Variants in GAS2 observed in about 807,000 individuals in gnomAD.
The protein encoded by GAS2 is growth arrest specific 2.
In GAS2, 20 loss-of-function variants were observed where a neutral mutation model predicts 37.5. The observed-to-expected ratio is 0.53, with a 90% CI of 0.37 to 0.77. The LOEUF (loss-of-function observed/expected upper bound fraction) is 0.77. Ranked by LOEUF, GAS2 falls within the 30% of genes least tolerant of loss-of-function variation. The pLI, the probability that GAS2 is intolerant of heterozygous loss-of-function variation, is 0.00. For synonymous variants in GAS2, 144 were observed against 132.2 expected (o/e 1.09, Z -0.61); for missense variants, 336 against 373.4 (o/e 0.90, Z 0.82).
At chr11:22,650,012 G>A (rs1487456815) in intron 1 of GAS2, among the ~76,000 whole-genome samples, 1 of 151,392 alleles carries the variant, frequency 6.6e-6, no homozygotes, top group Admixed American at 6.6e-5. Flanking sequence ...GTGATGTTAG[G>A]GTGTCAATTT....
chr11:22,769,807 A>G, intron 7 of GAS2, among the ~76,000 whole-genome samples: 1 of 152,264 alleles, frequency 6.6e-6, no homozygotes, highest in East Asian at 1.9e-4. Context: ...AAGATGCTAC[A>G]TAAATTACAT....
At chr11:22,784,676 A>G (rs1300134451) in intron 7 of GAS2, among the ~76,000 whole-genome samples, 4 of 152,172 alleles carry the variant, frequency 2.6e-5, no homozygotes, top group African/African-American at 9.6e-5. Context: ...TATATGCTCC[A>G]AGATGACTAT....
At chr11:22,776,273 C>G (rs1223168146) in intron 7 of GAS2, among the ~76,000 whole-genome samples, 3 of 152,166 alleles carry the variant, frequency 2.0e-5, no homozygotes, top group Non-Finnish European at 4.4e-5. Flanking sequence ...TGTATGGTTT[C>G]TGTTACAACT....
intron 7 of GAS2, among the ~76,000 whole-genome samples, chr11:22,773,969 C>T (rs1199489693): frequency 1.3e-5 from 2 of 152,104 alleles, no homozygotes; most frequent in Admixed American, 6.5e-5. Context: ...TTAAATACAT[C>T]AGAGCTCCGT....
At chr11:22,732,228 G>T (rs1471579217) in intron 4 of GAS2, among the ~76,000 whole-genome samples, 1 of 151,688 alleles carries the variant, frequency 6.6e-6, no homozygotes, top group Non-Finnish European at 1.5e-5. Flanking sequence ...TTGCTATTCT[G>T]AGTGATAGTG....
chr11:22,663,680 C>T (rs2133848059), upstream of GAS2, among the ~76,000 whole-genome samples: 2 of 152,034 alleles, frequency 1.3e-5, no homozygotes, highest in Middle Eastern at 3.4e-3. Context: ...AAACCTTGAA[C>T]TTTACATATG....
intron 7 of GAS2, among the ~76,000 whole-genome samples, chr11:22,774,002 T>C (rs1855123476): frequency 6.6e-6 from 1 of 152,160 alleles, no homozygotes; most frequent in Non-Finnish European, 1.5e-5. Context: ...TGCAATTTTA[T>C]TTTATTTTGA....
intron 1 of GAS2, among the ~76,000 whole-genome samples, chr11:22,651,793 T>C (rs929038245): frequency 1.3e-5 from 2 of 152,160 alleles, no homozygotes; most frequent in African/African-American, 4.8e-5. Flanking sequence ...CACTTCTCTG[T>C]ATTGGTTATT....
intron 5 of GAS2, among the ~76,000 whole-genome samples, chr11:22,739,682 A>C (rs1852967157): frequency 6.6e-6 from 1 of 151,980 alleles, no homozygotes; most frequent in Admixed American, 6.6e-5. Flanking sequence ...GAAATGTTCA[A>C]GTAAAAGAAA....
At chr11:22,720,822 C>T (rs1851913300) in intron 3 of GAS2, among the ~76,000 whole-genome samples, 1 of 151,996 alleles carries the variant, frequency 6.6e-6, no homozygotes, top group South Asian at 2.1e-4. Context: ...ATTAAATTTT[C>T]AGTTCGCACA....
At chr11:22,767,552 A>AT (rs67856061) in intron 7 of GAS2, among the ~76,000 whole-genome samples, 19 of 151,704 alleles carry the variant, frequency 1.3e-4, no homozygotes, top group African/African-American at 4.4e-4. Flanking sequence ...TATGTGAATG[A>AT]TTTTTTTTGC....
chr11:22,697,866 G>T (rs1358544400), intron 3 of GAS2, among the ~76,000 whole-genome samples: 4 of 152,074 alleles, frequency 2.6e-5, no homozygotes, highest in African/African-American at 9.7e-5. Flanking sequence ...GGGTTTTCTA[G>T]ATATACAATC....
At chr11:22,702,260 T>C (rs1161679781) in intron 3 of GAS2, 1 of 152,174 alleles carries the variant, frequency 6.6e-6, no homozygotes, top group Non-Finnish European at 1.5e-5. Flanking sequence ...ATAGAAGGAA[T>C]TGTCTCTCAC....
chr11:22,750,403 G>T (rs1334198255), intron 6 of GAS2, among the ~76,000 whole-genome samples: 1 of 152,032 alleles, frequency 6.6e-6, no homozygotes, highest in Non-Finnish European at 1.5e-5. Context: ...ATAACAGTTT[G>T]TCTGATAGAT....
intron 1 of GAS2, among the ~76,000 whole-genome samples, chr11:22,652,119 G>A (rs950414031): frequency 2.0e-5 from 3 of 152,160 alleles, no homozygotes; most frequent in African/African-American, 7.2e-5. Context: ...CTTTCTGTTT[G>A]TTAGTTTTCC....
At chr11:22,798,663 C>T (rs185465164) in intron 7 of GAS2, among the ~76,000 whole-genome samples, 22 of 152,162 alleles carry the variant, frequency 1.4e-4, no homozygotes, top group African/African-American at 4.3e-4. Flanking sequence ...AATTTGTAAT[C>T]GCACGTAACT....
intron 7 of GAS2, among the ~76,000 whole-genome samples, chr11:22,794,536 A>G (rs535652556): frequency 6.6e-6 from 1 of 152,224 alleles, no homozygotes; most frequent in Admixed American, 6.5e-5. Context: ...CTCACCACAC[A>G]TATTACACTT....
chr11:22,727,575 G>A lies in GAS2; in HGVS notation c.409+1142G>A, dbSNP rs548285427. On this transcript the variant is annotated intron_variant, in intron 4 of 7. Transcript: ENST00000454584. ...AATTTTTGAAAATTCTCTTAGCAAA[G>A]ATGGGAACAGCATAAATTTAGCCTG... 4.6e-5 allele frequency among the ~76,000 whole-genome samples: 7 copies of A among 152,098 alleles called. No individual in the cohort carries two copies. The South Asian group carries it at 1.2e-3, about 27-fold the overall frequency.
intron 2 of GAS2, among the ~76,000 whole-genome samples, chr11:22,684,659 G>T (rs1027193979): frequency 1.3e-5 from 2 of 152,166 alleles, no homozygotes; most frequent in African/African-American, 4.8e-5. Context: ...CTGCCTCCCA[G>T]GCCCAAGCCA....
Sources: gnomAD v4.1 joint callset for allele counts (sites outside exome capture counted in the v4.1 genomes callset) on GRCh38, gnomAD v4.1.1 for gene constraint, MANE v1.5 for transcripts, NCBI Gene and HGNC (gene_info 2026-07-23, HGNC 2026-07-21) for gene names.